Variants in ZCWPW2 observed in about 807,000 individuals in gnomAD.
ZCWPW2 encodes zinc finger CW-type PWWP domain protein 2.
A neutral mutation model predicts 46.6 loss-of-function variants in ZCWPW2; 45 were observed. That is an observed-to-expected ratio of 0.96 (90% CI 0.76 to 1.24). The LOEUF (loss-of-function observed/expected upper bound fraction) is 1.24. ZCWPW2 is among the 50% of genes most tolerant of loss of function. ZCWPW2 has a pLI of 0.00. For missense variants in ZCWPW2, 429 were observed against 403.9 expected (o/e 1.06, Z -0.53); for synonymous variants, 152 against 137.1 (o/e 1.11, Z -0.76).
At chr3:28,408,054 G>T (rs1696235166) in intron 2 of ZCWPW2, among the ~76,000 whole-genome samples, 1 of 152,114 alleles carries the variant, frequency 6.6e-6, no homozygotes, top group African/African-American at 2.4e-5. Context: ...CTGGTAGCCT[G>T]GATAAAACGT....
chr3:28,380,817 T>A (rs1277859847), intron 1 of ZCWPW2, among the ~76,000 whole-genome samples: 1 of 150,740 alleles, frequency 6.6e-6, no homozygotes, highest in African/African-American at 2.4e-5. Flanking sequence ...TTCAAAGCTC[T>A]GTTCCCACCC....
chr3:28,507,323 A>G (rs35137555), intron 6 of ZCWPW2, among the ~76,000 whole-genome samples: 31,349 of 152,112 alleles, frequency 0.21, 3,614 homozygotes, highest in Middle Eastern at 0.29. Flanking sequence ...CCGATAAAGT[A>G]CTTTTCACTT....
At chr3:28,355,425 C>G (rs969200294) in intron 1 of ZCWPW2, among the ~76,000 whole-genome samples, 1 of 152,184 alleles carries the variant, frequency 6.6e-6, no homozygotes, top group Non-Finnish European at 1.5e-5. Context: ...CCATACTGCC[C>G]AAGGTAATTT....
chr3:28,482,256 C>A (rs187983393), intron 5 of ZCWPW2, among the ~76,000 whole-genome samples: 3 of 152,262 alleles, frequency 2.0e-5, no homozygotes, highest in Admixed American at 2.0e-4. Flanking sequence ...TGATATGTCA[C>A]CCTTTCAGAT....
chr3:28,391,928 A>T (rs1304958243), intron 2 of ZCWPW2, among the ~76,000 whole-genome samples: 1 of 152,212 alleles, frequency 6.6e-6, no homozygotes, highest in Non-Finnish European at 1.5e-5. Context: ...GCCAGAAAAA[A>T]TTTAACAAAA....
chr3:28,445,012 T>C (rs1420112434), intron 4 of ZCWPW2, among the ~76,000 whole-genome samples: 1 of 152,010 alleles, frequency 6.6e-6, no homozygotes, highest in African/African-American at 2.4e-5. Context: ...TTCTGGGGTC[T>C]ATCATATTAA....
At chr3:28,384,863 G>A (rs994005112) in intron 1 of ZCWPW2, among the ~76,000 whole-genome samples, 9 of 152,142 alleles carry the variant, frequency 5.9e-5, no homozygotes, top group African/African-American at 1.7e-4. Flanking sequence ...TGATCCACCC[G>A]CCTTGGCCTC....
At chr3:28,472,330 A>T (rs1353546432) in intron 4 of ZCWPW2, among the ~76,000 whole-genome samples, 1 of 152,214 alleles carries the variant, frequency 6.6e-6, no homozygotes. Context: ...AAATTATACT[A>T]TAGAGCTATA....
At chr3:28,493,138 A>ATTTTTTTTTTTTTTT (rs1173597960) in intron 6 of ZCWPW2, among the ~76,000 whole-genome samples, 1 of 56,632 alleles carries the variant, frequency 1.8e-5, no homozygotes, top group African/African-American at 8.1e-5. Context: ...TTTTTATTTT[A>ATTTTTTTTTTTTTTT]TTTTTTTTAA....
chr3:28,414,434 A>T (rs1429669196), intron 3 of ZCWPW2, among the ~76,000 whole-genome samples: 1 of 151,440 alleles, frequency 6.6e-6, no homozygotes, highest in Admixed American at 6.6e-5. Context: ...TGTGAAGATT[A>T]TTTCATCAAC....
At chr3:28,440,052 G>C (rs1213947630) in intron 4 of ZCWPW2, among the ~76,000 whole-genome samples, 1 of 152,096 alleles carries the variant, frequency 6.6e-6, no homozygotes, top group African/African-American at 2.4e-5. Flanking sequence ...AGTCCTGCCT[G>C]GATTGGGCTG....
At chr3:28,480,224 A>G (rs1182451113) in intron 5 of ZCWPW2, among the ~76,000 whole-genome samples, 1 of 152,122 alleles carries the variant, frequency 6.6e-6, no homozygotes, top group Admixed American at 6.5e-5. Context: ...CAACCTCACC[A>G]CCATCTGCTA....
At chr3:28,363,826 A>T (rs1705025596) in intron 1 of ZCWPW2, among the ~76,000 whole-genome samples, 1 of 152,042 alleles carries the variant, frequency 6.6e-6, no homozygotes, top group African/African-American at 2.4e-5. Flanking sequence ...TCTTGCTCAC[A>T]GTCCTCCCTC....
chr3:28,522,613 A>T (rs549291896), intron 9 of ZCWPW2, among the ~76,000 whole-genome samples: 1 of 152,326 alleles, frequency 6.6e-6, no homozygotes, highest in African/African-American at 2.4e-5. Flanking sequence ...AGAATGTACT[A>T]CTATGGAGAT....
chr3:28,439,147 A>G (rs577917750), intron 4 of ZCWPW2, among the ~76,000 whole-genome samples: 68 of 78,466 alleles, frequency 8.7e-4, no homozygotes, highest in African/African-American at 2.8e-3. Flanking sequence ...TAGGATGTGT[A>G]TATATATATA....
intron 1 of ZCWPW2, among the ~76,000 whole-genome samples, chr3:28,361,034 G>A (rs1486759542): frequency 2.0e-5 from 3 of 152,116 alleles, no homozygotes; most frequent in African/African-American, 7.2e-5. Flanking sequence ...TAAATTTTGT[G>A]TTTAGGCTTG....
rs116119735 is a variant in ZCWPW2 at position 28,515,601 on chromosome 3, C to G, written c.764C>G (p.Ala255Gly). Residue 255 changes from alanine (A) to glycine (G), a missense_variant, in exon 8 of 10, where the codon GCC becomes GGC. Transcript: ENST00000383768. ...CSFENVYSDDALSKENRVVCE... is the reference protein window; with the variant it reads ...CSFENVYSDDGLSKENRVVCE... ...TTTGAAAATGTTTATTCTGATGATGCCTTATCAAAGGAGAACAGGGGTATG... is the reference window on the plus strand; with the variant it reads ...TTTGAAAATGTTTATTCTGATGATGGCTTATCAAAGGAGAACAGGGGTATG... 0.016 allele frequency: 26,014 copies of G among 1,603,878 alleles called. 349 individuals carry two copies. Among genetic ancestry groups the G allele is most frequent in the Non-Finnish European group, 0.017 (19,635 of 1,178,314 alleles).
intron 4 of ZCWPW2, among the ~76,000 whole-genome samples, chr3:28,445,656 G>A (rs75324129): frequency 0.028 from 4,205 of 152,150 alleles, 84 homozygotes; most frequent in South Asian, 0.073. Flanking sequence ...AAGACATGTT[G>A]AAAACAAATA....
intron 4 of ZCWPW2, among the ~76,000 whole-genome samples, chr3:28,467,495 A>G (rs945700393): frequency 1.3e-5 from 2 of 151,298 alleles, no homozygotes; most frequent in East Asian, 1.9e-4. Context: ...CATTGAGAGA[A>G]CATAGGCAGT....
Sources: gnomAD v4.1 joint callset for allele counts (sites outside exome capture counted in the v4.1 genomes callset) on GRCh38, gnomAD v4.1.1 for gene constraint, MANE v1.5 for transcripts, NCBI Gene and HGNC (gene_info 2026-07-23, HGNC 2026-07-21) for gene names.